Variants in PPP2R2D observed in about 807,000 individuals in gnomAD.
The protein encoded by PPP2R2D is serine/threonine-protein phosphatase 2A 55 kDa regulatory subunit B delta isoform.
A neutral mutation model predicts 31.1 loss-of-function variants in PPP2R2D; 9 were observed. The ratio of observed to expected loss-of-function variants is 0.29; its 90% CI spans 0.17 to 0.51. The LOEUF is 0.51. Ranked by LOEUF, PPP2R2D falls within the 20% of genes least tolerant of loss-of-function variation. The probability of loss-of-function intolerance (pLI) is 0.98; values close to 1 mark genes in which losing one functional copy is unlikely to be tolerated. For synonymous variants in PPP2R2D, 179 were observed against 172.6 expected, an observed-to-expected ratio of 1.04 and a Z score of -0.29; for missense variants, 391 against 465.6, an observed-to-expected ratio of 0.84 and a Z score of 1.48.
Position 131,940,204 on chromosome 10 carries a change from T to C in PPP2R2D, c.364+8T>C, listed in dbSNP as rs979868985. 9.8e-6 allele frequency: 7 copies of C among 717,860 alleles called. No individual in the cohort carries two copies. Among genetic ancestry groups the C allele is most frequent in the Non-Finnish European group, 1.8e-5 (7 of 389,274 alleles). The allele number at this position is 717,860 out of a possible 1,614,324, so 44.5% of individuals were successfully genotyped here. The stretch of plus-strand genomic sequence containing the variant: ...TTCTACTGTCTACAAATGGTAAGAA[T>C]TGTGTTCTAAGTGGCTGTTTGATTT... On this transcript the variant is annotated splice_region_variant and intron_variant, in intron 4 of 8. Coordinates refer to ENST00000455566, the MANE Select transcript of PPP2R2D (RefSeq NM_018461.5).
chr10:131,947,723 G>C lies in PPP2R2D; in HGVS notation c.1014G>C (p.Lys338Asn). 1.2e-6 allele frequency: 2 copies of C among 1,614,218 alleles called. No homozygotes were observed. Among genetic ancestry groups the C allele is most frequent in the Non-Finnish European group, 1.7e-6 (2 of 1,180,044 alleles). The change falls in exon 8 of 9, where the codon AAG becomes AAC. Residue 338 changes from lysine to asparagine, a missense_variant. Lys to Asn is a moderately conservative substitution (Grantham distance 94, BLOSUM62 0). Around this residue, in one of 3 missense-constraint regions of PPP2R2D, gnomAD observed 163 missense variants for 179.5 expected, o/e 0.91. Transcript: ENST00000455566. The surrounding 1 kb of genome is among the most constrained non-coding windows in gnomAD (Gnocchi z 4.3). Reference protein sequence around the residue: ...THQVHEYLRSKLCSLYENDCI... With the variant: ...THQVHEYLRSNLCSLYENDCI... ...AGGTCCACGAGTACCTGCGCAGCAA[G>C]CTCTGCTCTCTCTATGAGAACGACT...
intron 2 of PPP2R2D, among the ~76,000 whole-genome samples, chr10:131,928,959 A>G (rs548045138): frequency 6.6e-6 from 1 of 152,336 alleles, no homozygotes; most frequent in South Asian, 2.1e-4. Flanking sequence ...GAAATGATGT[A>G]CGTATAAAAG....
At chr10:131,928,874 GTC>G (rs1376946665) in intron 2 of PPP2R2D, among the ~76,000 whole-genome samples, 1 of 152,220 alleles carries the variant, frequency 6.6e-6, no homozygotes, top group Non-Finnish European at 1.5e-5. Flanking sequence ...AGGAGACATT[GTC>G]TCTCGGGACA....
the PPP2R2D span, chr10:131,968,254 T>C: frequency 3.1e-4 from 86 of 277,694 alleles, no homozygotes; most frequent in African/African-American, 1.7e-3. Context: ...TATTCAGATA[T>C]TTATATCTAA....
chr10:131,934,764 C>T, intron 3 of PPP2R2D: 1 of 587,446 alleles, frequency 1.7e-6, no homozygotes, highest in Non-Finnish European at 3.2e-6. Flanking sequence ...CCTTTGTCTT[C>T]AGAGTAGGGA....
At chr10:131,955,482 C>CTG (rs1428987625) in intron 8 of PPP2R2D, among the ~76,000 whole-genome samples, 1 of 152,200 alleles carries the variant, frequency 6.6e-6, no homozygotes, top group Non-Finnish European at 1.5e-5. Context: ...TGGATTCTTA[C>CTG]TGACATGATT....
In PPP2R2D at chr10:131,947,737, A is replaced by G. The variant is rs781971947; in HGVS notation, c.1028A>G (p.Tyr343Cys). 5 of 1,614,078 alleles carry G rather than the reference A, an allele frequency of 3.1e-6. No individual in the cohort carries two copies. The Admixed American group carries it at 5.0e-5, about 16-fold the overall frequency. ...CTGCGCAGCAAGCTCTGCTCTCTCT[A>G]TGAGAACGACTGCATCTTTGACAAG... ...EYLRSKLCSL[Y>C]ENDCIFDKFE... The change falls in exon 8 of 9, where the codon TAT becomes TGT. Residue 343 changes from tyrosine (Y) to cysteine (C), a missense_variant. Tyr to Cys is a radical substitution (Grantham distance 194). Transcript: ENST00000455566. The surrounding 1 kb of genome is among the most constrained non-coding windows in gnomAD (Gnocchi z 4.3).
intron 3 of PPP2R2D, chr10:131,934,969 T>C (rs1189265949): frequency 4.4e-6 from 2 of 455,680 alleles, no homozygotes; most frequent in African/African-American, 4.0e-5. Context: ...CAGAGAAGTC[T>C]GGCAGGGGTG....
chr10:131,904,576 A>G (rs950718213), intron 2 of PPP2R2D, among the ~76,000 whole-genome samples: 22 of 151,696 alleles, frequency 1.5e-4, no homozygotes, highest in African/African-American at 5.3e-4. Context: ...AGGCTGTAGA[A>G]CTTAAGGTAT....
chr10:131,913,406 T>G (rs946804504), intron 2 of PPP2R2D, among the ~76,000 whole-genome samples: 4 of 152,114 alleles, frequency 2.6e-5, no homozygotes, highest in Middle Eastern at 3.2e-3. Context: ...TTTTAATTCC[T>G]CTGCCCCCAT....
chr10:131,962,040 C>T (rs1004895841), downstream of PPP2R2D, among the ~76,000 whole-genome samples: 5 of 152,192 alleles, frequency 3.3e-5, no homozygotes, highest in African/African-American at 9.7e-5. Flanking sequence ...CGGGGAGCAC[C>T]GGTGCCCGGG....
At position 131,929,353 on chromosome 10, in the gene PPP2R2D, G is replaced by A. The variant is rs534435456; in HGVS notation, c.101-5105G>A. On this transcript the variant is annotated intron_variant, in intron 2 of 8. Transcript: ENST00000455566. ...CCCTTAGTGTTTCGTTCACTAAAGC[G>A]TAAGCCGTGTGAAGACGGGCTTTGT... Among the ~76,000 whole-genome samples the A allele has an allele frequency of 2.0e-5, 3 of 152,348 alleles. No individual in the cohort carries two copies. The South Asian group carries it at 6.2e-4, about 32-fold the overall frequency.
In PPP2R2D at chr10:131,940,181, C is replaced by T. The variant is rs781884188; in HGVS notation, c.349C>T (p.Leu117=). The T allele has an allele frequency of 2.6e-6, 2 of 757,824 alleles. No homozygotes were observed. The highest frequency in any genetic ancestry group is 1.4e-5 in the South Asian group (1 of 70,454). The allele number at this position is 757,824 out of a possible 1,614,324, so 46.9% of individuals were successfully genotyped here. A position where few individuals can be genotyped will look rare whatever the true frequency, so the allele number is the denominator to read the frequency against. The change falls in exon 4 of 9, where the codon CTA becomes TTA. Residue 117 remains leucine (L), a synonymous_variant. Coordinates refer to ENST00000455566, the MANE Select transcript of PPP2R2D (RefSeq NM_018461.5). ...ACCACAACAGAATGCTGCTCATTTT[C>T]TACTGTCTACAAATGGTAAGAATTG... is the stretch of plus-strand genomic sequence containing the variant. The part of the protein sequence containing the change: ...WLPQQNAAHF[L]LSTNDKTIKL...
At chr10:131,954,307 G>A (rs549204667) in intron 8 of PPP2R2D, among the ~76,000 whole-genome samples, 7 of 152,220 alleles carry the variant, frequency 4.6e-5, no homozygotes, top group African/African-American at 7.2e-5. Context: ...ATCATCTGTC[G>A]TCTGTGTTCT....
At position 131,958,255 on chromosome 10, in the gene PPP2R2D, TGAA is replaced by T. The variant is rs1554900630; in HGVS notation, c.*2294_*2296del. ...CTGATCCCCTGTTCCCCTATCTAGA[TGAA>T]GGTGTGTACTGCTGATCCCCCGTCC... On this transcript the variant is annotated 3_prime_UTR_variant, in exon 9 of 9. Coordinates refer to ENST00000455566, the MANE Select transcript of PPP2R2D (RefSeq NM_018461.5). 1 of 181,856 alleles carries T rather than the reference TGAA, an allele frequency of 5.5e-6. No homozygotes were observed. Among genetic ancestry groups the T allele is most frequent in the Non-Finnish European group, 1.0e-5 (1 of 96,120 alleles). 11.3% of individuals were successfully genotyped at this position (181,856 alleles called of 1,614,324 possible). A position where few individuals can be genotyped will look rare whatever the true frequency, so the allele number is the denominator to read the frequency against.
chr10:131,917,939 A>G (rs1376532351), intron 2 of PPP2R2D, among the ~76,000 whole-genome samples: 1 of 125,438 alleles, frequency 8.0e-6, no homozygotes, highest in African/African-American at 3.1e-5. Context: ...AGGCGGGTGG[A>G]ATGACACAGT....
intron 8 of PPP2R2D, among the ~76,000 whole-genome samples, chr10:131,953,652 A>C (rs2036734939): frequency 8.6e-6 from 1 of 116,020 alleles, no homozygotes; most frequent in African/African-American, 3.4e-5. Context: ...TCACTGTCTT[A>C]GTGACTTCCA....
chr10:131,961,928 C>T (rs992576987), downstream of PPP2R2D, among the ~76,000 whole-genome samples: 3 of 152,126 alleles, frequency 2.0e-5, no homozygotes, highest in Admixed American at 1.3e-4. Flanking sequence ...AGTTCCTGCA[C>T]GCATTTCCTG....
chr10:131,956,643 T>C lies in PPP2R2D; in HGVS notation c.*680T>C. 1.2e-6 allele frequency: 1 copy of C among 861,034 alleles called. No individual in the cohort carries two copies. Among genetic ancestry groups the C allele is most frequent in the Non-Finnish European group, 1.4e-6 (1 of 716,510 alleles). The allele number at this position is 861,034 out of a possible 1,614,324, so 53.3% of individuals were successfully genotyped here. A position where few individuals can be genotyped will look rare whatever the true frequency, so the allele number is the denominator to read the frequency against. On this transcript the variant is annotated 3_prime_UTR_variant, in exon 9 of 9. Transcript: ENST00000455566. ...CTAACTGTTTGAGAAATGTGTGTCC[T>C]TCTTTGGCAGCGTGGGGGTATGTGT...
Sources: allele counts gnomAD v4.1 joint callset (sites outside exome capture counted in the v4.1 genomes callset), GRCh38; gene constraint gnomAD v4.1.1; regional missense constraint gnomAD v4.1.1; non-coding constraint Gnocchi (gnomAD v3.1); transcripts MANE v1.5; gene names NCBI Gene and HGNC (gene_info 2026-07-23, HGNC 2026-07-21).